The following GRIK2 variants were observed in gnomAD, a reference collection of about 807,000 sequenced individuals.
GRIK2 encodes the protein glutamate ionotropic receptor kainate type subunit 2.
A neutral mutation model predicts 100.3 loss-of-function variants in GRIK2; 32 were observed. The observed-to-expected ratio is 0.32, with a 90% CI of 0.24 to 0.43. The LOEUF (loss-of-function observed/expected upper bound fraction) is 0.43. GRIK2 is among the 20% of genes least tolerant of loss of function. The pLI is 1.00. For synonymous variants in GRIK2, 417 were observed against 389.4 expected (o/e 1.07, Z -0.83); for missense variants, 843 against 1,114.9 (o/e 0.76, Z 3.47).
intron 4 of GRIK2, among the ~76,000 whole-genome samples, chr6:101,639,593 T>C (rs1781187536): frequency 6.8e-6 from 1 of 147,242 alleles, no homozygotes; most frequent in African/African-American, 2.6e-5. Flanking sequence ...TCCATCTCAA[T>C]ACATGCATAC....
intron 10 of GRIK2, among the ~76,000 whole-genome samples, chr6:101,828,930 T>C (rs1782503339): frequency 6.6e-6 from 1 of 151,980 alleles, no homozygotes; most frequent in Non-Finnish European, 1.5e-5. Context: ...AGCATAATCC[T>C]GATACCAAAA....
At chr6:101,521,621 AT>A (rs528454607) in intron 2 of GRIK2, among the ~76,000 whole-genome samples, 1 of 151,930 alleles carries the variant, frequency 6.6e-6, no homozygotes, top group East Asian at 1.9e-4. Context: ...ATAGCGTAAA[AT>A]TTTTTTAATA....
chr6:101,709,296 C>T (rs1434272200), intron 7 of GRIK2, among the ~76,000 whole-genome samples: 2 of 151,698 alleles, frequency 1.3e-5, no homozygotes, highest in East Asian at 3.9e-4. Flanking sequence ...TGCCTCCAGA[C>T]CTGAGAAAAT....
intron 7 of GRIK2, among the ~76,000 whole-genome samples, chr6:101,739,556 T>C (rs1181152125): frequency 6.6e-6 from 1 of 152,184 alleles, no homozygotes; most frequent in Non-Finnish European, 1.5e-5. Flanking sequence ...TAAGGACTAG[T>C]CTACCTTCTT....
chr6:101,721,823 G>A (rs1237990158), intron 7 of GRIK2, among the ~76,000 whole-genome samples: 11 of 151,662 alleles, frequency 7.3e-5, no homozygotes, highest in Admixed American at 7.2e-4. Flanking sequence ...TTCACTACAT[G>A]TATATATCAT....
chr6:101,736,660 A>T (rs1420276045), intron 7 of GRIK2, among the ~76,000 whole-genome samples: 2 of 152,094 alleles, frequency 1.3e-5, no homozygotes, highest in East Asian at 3.9e-4. Context: ...CGGCCCACAA[A>T]ACCAGTTTTT....
intron 7 of GRIK2, among the ~76,000 whole-genome samples, chr6:101,692,039 C>CAAAAAAAAAAAA (rs60210939): frequency 1.3e-5 from 1 of 78,390 alleles, no homozygotes; most frequent in Non-Finnish European, 2.5e-5. Flanking sequence ...CACCCCGTCT[C>CAAAAAAAAAAAA]AAAAAAAAAA....
intron 14 of GRIK2, among the ~76,000 whole-genome samples, chr6:101,973,966 A>G (rs914731269): frequency 6.6e-6 from 1 of 151,974 alleles, no homozygotes; most frequent in African/African-American, 2.4e-5. Context: ...ATTGAGAAGA[A>G]ATATACATTT....
At chr6:101,719,960 A>G (rs1241653393) in intron 7 of GRIK2, among the ~76,000 whole-genome samples, 4 of 152,048 alleles carry the variant, frequency 2.6e-5, no homozygotes, top group African/African-American at 9.7e-5. Flanking sequence ...TGAGAGAGAA[A>G]GAGAAAAGGA....
At chr6:101,871,711 G>A (rs190783026) in intron 11 of GRIK2, among the ~76,000 whole-genome samples, 3 of 152,016 alleles carry the variant, frequency 2.0e-5, no homozygotes, top group Non-Finnish European at 4.4e-5. Context: ...GCATGATTTT[G>A]TCCTTTTTTA....
At chr6:101,540,460 T>C (rs1021488306) in intron 2 of GRIK2, among the ~76,000 whole-genome samples, 31 of 152,012 alleles carry the variant, frequency 2.0e-4, no homozygotes, top group African/African-American at 6.5e-4. Flanking sequence ...TTCTCCATGA[T>C]GTGATTATTT....
At chr6:101,756,149 T>G (rs978367291) in intron 7 of GRIK2, among the ~76,000 whole-genome samples, 3 of 152,140 alleles carry the variant, frequency 2.0e-5, no homozygotes, top group African/African-American at 7.2e-5. Context: ...TCAGACAAGA[T>G]GAGCAGAAGA....
chr6:101,482,920 T>C (rs1243089363), intron 2 of GRIK2, among the ~76,000 whole-genome samples: 1 of 152,190 alleles, frequency 6.6e-6, no homozygotes, highest in African/African-American at 2.4e-5. Flanking sequence ...AGTTCTTATT[T>C]TAACAAATTG....
At chr6:101,999,762 GA>G (rs1420414513) in intron 14 of GRIK2, among the ~76,000 whole-genome samples, 1 of 152,006 alleles carries the variant, frequency 6.6e-6, no homozygotes, top group Non-Finnish European at 1.5e-5. Flanking sequence ...TATCAAAGGG[GA>G]AAACATTCAT....
chr6:101,417,300 T>C (rs996816018), intron 2 of GRIK2, among the ~76,000 whole-genome samples: 3 of 152,144 alleles, frequency 2.0e-5, no homozygotes, highest in Non-Finnish European at 4.4e-5. Context: ...CAAGATGAGA[T>C]TTGGTTGGGG....
At chr6:101,918,597 A>G (rs1329328931) in intron 12 of GRIK2, among the ~76,000 whole-genome samples, 8 of 151,780 alleles carry the variant, frequency 5.3e-5, no homozygotes, top group Non-Finnish European at 1.2e-4. Context: ...CTTTGCACAT[A>G]TTATCTCTCA....
intron 14 of GRIK2, among the ~76,000 whole-genome samples, chr6:101,933,390 C>T (rs1790410806): frequency 6.6e-6 from 1 of 151,936 alleles, no homozygotes; most frequent in Non-Finnish European, 1.5e-5. Flanking sequence ...CTTTCTTGTC[C>T]TACCTTACAT....
At chr6:102,013,244 CT>C (rs1352722369) in intron 14 of GRIK2, among the ~76,000 whole-genome samples, 1 of 151,944 alleles carries the variant, frequency 6.6e-6, no homozygotes, top group East Asian at 1.9e-4. Context: ...TTGGCTGTTG[CT>C]TGTGTATAGG....
intron 2 of GRIK2, among the ~76,000 whole-genome samples, chr6:101,458,740 T>C (rs1771138450): frequency 6.6e-6 from 1 of 152,186 alleles, no homozygotes; most frequent in Admixed American, 6.5e-5. Flanking sequence ...CCAATTCCTA[T>C]GAATTGGGCT....
Sources: allele counts gnomAD v4.1 joint callset (sites outside exome capture counted in the v4.1 genomes callset), GRCh38; gene constraint gnomAD v4.1.1; transcripts MANE v1.5; gene names NCBI Gene and HGNC (gene_info 2026-07-23, HGNC 2026-07-21).